The following AQP8 variants were observed in gnomAD, a reference collection of about 807,000 sequenced individuals.
The protein encoded by AQP8 is aquaporin 8, also known as aquaporin-8.
In AQP8, 14 loss-of-function variants were observed where a neutral mutation model predicts 26.1. That is an observed-to-expected ratio of 0.54 (90% CI 0.35 to 0.84). The LOEUF (loss-of-function observed/expected upper bound fraction) is 0.84. Ranked by LOEUF, AQP8 falls within the 40% of genes least tolerant of loss-of-function variation. The pLI is 0.01. For missense variants in AQP8, 301 were observed against 340.5 expected, an observed-to-expected ratio of 0.88 and a Z score of 0.91; for synonymous variants, 131 against 150.7, an observed-to-expected ratio of 0.87 and a Z score of 0.96.
Position 25,224,508 on chromosome 16 carries a change from T to C in AQP8, c.534T>C (p.Asn178=). 6.2e-7 allele frequency: 1 copy of C among 1,614,082 alleles called. No homozygotes were observed. Among genetic ancestry groups the C allele is most frequent in the Non-Finnish European group, 8.5e-7 (1 of 1,180,020 alleles). The change falls in exon 4 of 6, where the codon AAT becomes AAC. Residue 178 remains asparagine, a synonymous_variant. Transcript: ENST00000219660. The stretch of plus-strand genomic sequence containing the variant: ...TGGCTGTATGCATGGGTGCCATCAA[T>C]GAGAAGACAAAGGGCCCTCTGGCCC... The part of the protein sequence containing the change: ...LALAVCMGAI[N]EKTKGPLAPF...
rs1962668883 is a variant in AQP8, at chr16:25,228,708, G to A, written c.*216G>A. 4 of 549,382 alleles carry A rather than the reference G, an allele frequency of 7.3e-6. No homozygotes were observed. The highest frequency in any genetic ancestry group is 1.3e-5 in the Non-Finnish European group (4 of 305,482). The allele number at this position is 549,382 out of a possible 1,614,324, so 34.0% of individuals were successfully genotyped here. A position where few individuals can be genotyped will look rare whatever the true frequency, so the allele number is the denominator to read the frequency against. ...GTGCTCATCAGAGACCCCAGCCTGG[G>A]GAACACGCTGCCCGCACTGCCCAGA... On this transcript the variant is annotated 3_prime_UTR_variant, in exon 6 of 6. Coordinates refer to ENST00000219660, the MANE Select transcript of AQP8 (RefSeq NM_001169.3).
intron 2 of AQP8, 152 bp from the exon 3 acceptor site, chr16:25,221,305 C>T: frequency 2.3e-6 from 2 of 887,760 alleles, no homozygotes; most frequent in African/African-American, 1.7e-5. Context: ...AAAATGGAAG[C>T]AATTTGGTGC....
rs750533191 is a variant in AQP8, at chr16:25,227,178, G to T, written c.713G>T (p.Gly238Val). 8 of 1,614,016 alleles carry T rather than the reference G, an allele frequency of 5.0e-6. No homozygotes were observed. The highest frequency in any genetic ancestry group is 6.8e-6 in the Non-Finnish European group (8 of 1,180,046). ...WIYWLGPLLA[G>V]LLVGLLIRCF... ...TACTGGCTGGGCCCACTCCTGGCTG[G>T]CCTGCTTGTTGGACTGCTCATTAGG... The change falls in exon 5 of 6, where the codon GGC (glycine) becomes GTC (valine). Residue 238 changes from glycine to valine, a missense_variant. By Grantham distance (109) the Gly-to-Val change is moderately radical. Transcript: ENST00000219660.
chr16:25,223,610 G>GA (rs1962592460), intron 3 of AQP8, among the ~76,000 whole-genome samples: 1 of 152,144 alleles, frequency 6.6e-6, no homozygotes, highest in African/African-American at 2.4e-5. Context: ...ATGAGAGGCT[G>GA]AGGTAGGAGG....
At chr16:25,222,719 A>G (rs1420324020) in intron 3 of AQP8, among the ~76,000 whole-genome samples, 1 of 151,828 alleles carries the variant, frequency 6.6e-6, no homozygotes, top group African/African-American at 2.4e-5. Context: ...CTTGGCTGTG[A>G]TAGGGTCTGA....
chr16:25,224,501 C>A lies in AQP8; in HGVS notation c.527C>A (p.Ala176Asp). The A allele has an allele frequency of 2.5e-6, 4 of 1,614,090 alleles. No homozygotes were observed. Among genetic ancestry groups the A allele is most frequent in the Non-Finnish European group, 3.4e-6 (4 of 1,180,022 alleles). ...CTGGCCCTGGCTGTATGCATGGGTGCCATCAATGAGAAGACAAAGGGCCCT... is the reference window on the plus strand; with the variant it reads ...CTGGCCCTGGCTGTATGCATGGGTGACATCAATGAGAAGACAAAGGGCCCT... ...TLLALAVCMG[A>D]INEKTKGPLA... The change falls in exon 4 of 6, where the codon GCC becomes GAC. Residue 176 changes from alanine to aspartate, a missense_variant. Transcript: ENST00000219660.
intron 5 of AQP8, among the ~76,000 whole-genome samples, chr16:25,227,486 C>T (rs911824122): frequency 2.6e-4 from 39 of 152,014 alleles, no homozygotes; most frequent in African/African-American, 8.5e-4. Context: ...GTCTTTAGGA[C>T]TTGGTCTTTC....
At chr16:25,228,021 T>C (rs1962658010) in intron 5 of AQP8, among the ~76,000 whole-genome samples, 1 of 150,018 alleles carries the variant, frequency 6.7e-6, no homozygotes, top group African/African-American at 2.5e-5. Flanking sequence ...ATCCCAGCAG[T>C]TTGGGAGGCC....
At chr16:25,227,280 G>A in intron 5 of AQP8, 78 bp downstream of exon 5, 1 of 1,578,134 alleles carries the variant, frequency 6.3e-7, no homozygotes, top group Admixed American at 1.7e-5. Context: ...GGACTAGAGG[G>A]CTAGGCTCTC....
Position 25,217,387 on chromosome 16 carries a change from C to G in AQP8, c.202C>G (p.Pro68Ala). The change falls in exon 2 of 6, where the codon CCG becomes GCG. Residue 68 changes from proline (P) to alanine (A), a missense_variant. Physicochemically the swap from Pro to Ala is conservative, Grantham distance 27. Transcript: ENST00000219660. ...ENGTDTGLLQ[P>A]ALAHGLALGL... ...TGGGACGGACACTGGGCTGCTGCAG[C>G]CGGCCCTGGCCCACGGGCTGGCTTT... 6.2e-7 allele frequency: 1 copy of G among 1,614,132 alleles called. No individual in the cohort carries two copies. The highest frequency in any genetic ancestry group is 1.7e-5 in the Admixed American group (1 of 60,006).
chr16:25,221,154 CTGGAGGGAGGCT>C (rs2141340743), intron 2 of AQP8, among the ~76,000 whole-genome samples: 1 of 151,892 alleles, frequency 6.6e-6, no homozygotes, highest in Admixed American at 6.5e-5. Flanking sequence ...CTCTGAAGGG[CTGGAGGGAGGCT>C]TGGAGGGAGT....
In AQP8 at chr16:25,228,621, T is replaced by G. The variant is rs887592816; in HGVS notation, c.*129T>G. 3.3e-6 allele frequency: 3 copies of G among 901,356 alleles called. No homozygotes were observed. In the Admixed American group the frequency reaches 6.5e-5, roughly 19 times the overall value. The allele number at this position is 901,356 out of a possible 1,614,324, so 55.8% of individuals were successfully genotyped here. On this transcript the variant is annotated 3_prime_UTR_variant, in exon 6 of 6. Transcript: ENST00000219660. ...AGGAGCGACCCCCTGCTTCCACTGCTTGGGCCTGCTTTCTCAGATAGACTG... is the reference window on the plus strand; with the variant it reads ...AGGAGCGACCCCCTGCTTCCACTGCGTGGGCCTGCTTTCTCAGATAGACTG...
In AQP8 at chr16:25,220,418, A is replaced by G. The variant is rs1297846155; in HGVS notation, c.261-1039A>G. On this transcript the variant is annotated intron_variant, in intron 2 of 5. Transcript: ENST00000219660. Reference sequence around the variant, plus strand: ...TGGGACTGGTTGGGACACTGATGTGAGTGCAGCCACCCTGGCTCTGGGGCC... The same window carrying G: ...TGGGACTGGTTGGGACACTGATGTGGGTGCAGCCACCCTGGCTCTGGGGCC... Among the ~76,000 whole-genome samples, 7 of 152,112 alleles carry G rather than the reference A, an allele frequency of 4.6e-5. No individual in the cohort carries two copies. The East Asian group carries it at 1.2e-3, about 25-fold the overall frequency.
Position 25,224,568 on chromosome 16 carries a change from C to A in AQP8, c.594C>A (p.Ile198=). 6.2e-7 allele frequency: 1 copy of A among 1,610,772 alleles called. No homozygotes were observed. The highest frequency in any genetic ancestry group is 8.5e-7 in the Non-Finnish European group (1 of 1,179,878). ...TCGGCTTTGCCGTCACCGTGGATATCCTGGCTGGGTGAGTGTCCCTTGGCA... is the reference window on the plus strand; with the variant it reads ...TCGGCTTTGCCGTCACCGTGGATATACTGGCTGGGTGAGTGTCCCTTGGCA... ...FSIGFAVTVD[I]LAGGPVSGGC... Residue 198 remains isoleucine, a synonymous_variant, in exon 4 of 6, where the codon ATC becomes ATA. Transcript: ENST00000219660.
chr16:25,219,066 A>C (rs942356266), intron 2 of AQP8, among the ~76,000 whole-genome samples: 2 of 151,484 alleles, frequency 1.3e-5, no homozygotes, highest in African/African-American at 4.9e-5. Flanking sequence ...GTGCAGTGGT[A>C]TAAATATGAG....
In AQP8 at chr16:25,224,358, G is replaced by A. The variant is rs377244783; in HGVS notation, c.388-4G>A. 4.7e-5 allele frequency: 76 copies of A among 1,608,840 alleles called. No homozygotes were observed. Among genetic ancestry groups the A allele is most frequent in the African/African-American group, 6.7e-5 (5 of 74,816 alleles). ...CTGTGAGGCTCAGCAGCTTCTCTGT[G>A]CAGGCGGTGAGTCCTGAGGAGAGGT... On this transcript the variant is annotated splice_polypyrimidine_tract_variant and splice_region_variant and intron_variant, in intron 3 of 5. Coordinates refer to ENST00000219660, the MANE Select transcript of AQP8 (RefSeq NM_001169.3).
intron 2 of AQP8, 142 bp from the exon 3 acceptor site, chr16:25,221,315 C>G (rs1962559094): frequency 1.0e-6 from 1 of 970,436 alleles, no homozygotes; most frequent in Admixed American, 2.3e-5. Context: ...CAATTTGGTG[C>G]CTCTTTGTAT....
chr16:25,227,316 G>A (rs2141348378), intron 5 of AQP8, 114 bp downstream of exon 5: 3 of 1,407,798 alleles, frequency 2.1e-6, no homozygotes, highest in South Asian at 1.3e-5. Flanking sequence ...AGAAAAGAGG[G>A]AGCCTCTTTA....
At chr16:25,221,121 C>G (rs563791878) in intron 2 of AQP8, among the ~76,000 whole-genome samples, 1 of 152,272 alleles carries the variant, frequency 6.6e-6, no homozygotes, top group East Asian at 1.9e-4. Flanking sequence ...GCCTTGGTAT[C>G]TCAATCTGAC....
Sources: allele counts gnomAD v4.1 joint callset (sites outside exome capture counted in the v4.1 genomes callset), GRCh38; gene constraint gnomAD v4.1.1; transcripts MANE v1.5; gene names NCBI Gene and HGNC (gene_info 2026-07-23, HGNC 2026-07-21).